Variants in LYRM4 observed in about 807,000 individuals in gnomAD.
LYRM4 encodes the protein LYR motif-containing protein 4.
LYRM4 carries 9 observed loss-of-function variants against 11.7 expected under a neutral mutation model. That is an observed-to-expected ratio of 0.77 (90% CI 0.46 to 1.34). The LOEUF is 1.34. LYRM4 is among the 40% of genes most tolerant of loss of function. LYRM4 has a pLI of 0.00. For synonymous variants in LYRM4, 42 were observed against 40.4 expected, an observed-to-expected ratio of 1.04 and a Z score of -0.15; for missense variants, 133 against 112.5, an observed-to-expected ratio of 1.18 and a Z score of -0.82.
chr6:5,046,589 C>T, the LYRM4 span, among the ~76,000 whole-genome samples: 3 of 152,124 alleles, frequency 2.0e-5, no homozygotes, highest in Admixed American at 6.5e-5. Context: ...GGACAGCTGG[C>T]GGCTGCACAG....
intron 2 of LYRM4, among the ~76,000 whole-genome samples, chr6:5,160,447 G>A (rs990686602): frequency 9.9e-5 from 15 of 152,182 alleles, no homozygotes; most frequent in African/African-American, 3.6e-4. Flanking sequence ...GAATCATGGG[G>A]GCGGGTCTTT....
intron 2 of LYRM4, among the ~76,000 whole-genome samples, chr6:5,200,776 C>A (rs1313774625): frequency 2.6e-5 from 4 of 152,146 alleles, no homozygotes; most frequent in Non-Finnish European, 4.4e-5. Flanking sequence ...TGCCTGACTC[C>A]CACACTCAGA....
chr6:5,033,885 T>G, the LYRM4 span: 1 of 152,268 alleles, frequency 6.6e-6, no homozygotes, highest in African/African-American at 2.4e-5. Flanking sequence ...ATTCACAGAC[T>G]TGTACAGAGC....
At chr6:5,193,298 A>G (rs1760869958) in intron 2 of LYRM4, among the ~76,000 whole-genome samples, 1 of 151,366 alleles carries the variant, frequency 6.6e-6, no homozygotes. Context: ...ATTTAAAAAA[A>G]AACCAGAAAA....
chr6:5,245,112 AAATATATATATATATATATATATATAT>A lies in LYRM4; in HGVS notation c.86+15509_86+15535del, dbSNP rs1764111735. Among the ~76,000 whole-genome samples, 15 of 31,972 alleles carry A rather than the reference AAATATATATATATATATATATATATAT, an allele frequency of 4.7e-4. 1 individual carries two copies. The East Asian group carries it at 5.7e-3, about 12-fold the overall frequency. The allele number at this position is 31,972 out of a possible 152,430, so 21.0% of individuals were successfully genotyped here. A position where few individuals can be genotyped will look rare whatever the true frequency, so the allele number is the denominator to read the frequency against. ...CTTAAAAAAAAAAAAAAAAAAAAAA[AAATATATATATATATATATATATATAT>A]ATATATATATATATATATATATATA... On this transcript the variant is annotated intron_variant, in intron 1 of 2. Coordinates refer to ENST00000330636, the MANE Select transcript of LYRM4 (RefSeq NM_020408.6).
intron 2 of LYRM4, among the ~76,000 whole-genome samples, chr6:5,121,688 G>A (rs1175158006): frequency 6.6e-6 from 1 of 152,236 alleles, no homozygotes; most frequent in Non-Finnish European, 1.5e-5. Context: ...TCCCTGGGAT[G>A]GCGACAACAG....
the LYRM4 span, among the ~76,000 whole-genome samples, chr6:5,044,426 C>T: frequency 1.2e-4 from 19 of 152,156 alleles, no homozygotes; most frequent in Non-Finnish European, 1.8e-4. Flanking sequence ...CCACCATGCC[C>T]GGCTGACACA....
intron 2 of LYRM4, among the ~76,000 whole-genome samples, chr6:5,159,407 A>G (rs1258114721): frequency 6.6e-6 from 1 of 152,200 alleles, no homozygotes. Flanking sequence ...TTCCAGAGAA[A>G]CTGGTCAATG....
intron 2 of LYRM4, among the ~76,000 whole-genome samples, chr6:5,142,390 T>C (rs560025102): frequency 6.6e-6 from 1 of 152,310 alleles, no homozygotes; most frequent in East Asian, 1.9e-4. Flanking sequence ...AAGTAAAAGA[T>C]GATTCCTGCC....
the LYRM4 span, among the ~76,000 whole-genome samples, chr6:5,075,707 G>A: frequency 6.6e-6 from 1 of 152,240 alleles, no homozygotes; most frequent in African/African-American, 2.4e-5. Context: ...GAACAATGTT[G>A]AGTGCTACAT....
At chr6:5,063,222 C>T in the LYRM4 span, among the ~76,000 whole-genome samples, 650 of 152,138 alleles carry the variant, frequency 4.3e-3, no homozygotes, top group African/African-American at 0.015. Context: ...CTGGCACAGA[C>T]GGGACGGCCA....
At chr6:5,224,524 A>G (rs181545505) in intron 1 of LYRM4, among the ~76,000 whole-genome samples, 1 of 152,366 alleles carries the variant, frequency 6.6e-6, no homozygotes, top group African/African-American at 2.4e-5. Context: ...TTAGGGATCT[A>G]TCCTACAGAA....
the LYRM4 span, among the ~76,000 whole-genome samples, chr6:5,060,504 ATT>A: frequency 7.6e-4 from 110 of 144,134 alleles, no homozygotes; most frequent in Non-Finnish European, 7.0e-4. Context: ...CGATTTTTGT[ATT>A]TTTTTTTTTT....
In LYRM4 at chr6:5,256,490, G is replaced by GAAAAAAAAAAAAAAAAAAAAAAAAA. The variant is rs777995486; in HGVS notation, c.86+4157_86+4158insTTTTTTTTTTTTTTTTTTTTTTTTT. 1.9e-4 allele frequency among the ~76,000 whole-genome samples: 7 copies of GAAAAAAAAAAAAAAAAAAAAAAAAA among 37,520 alleles called. 3 individuals are homozygous for GAAAAAAAAAAAAAAAAAAAAAAAAA. Among genetic ancestry groups the GAAAAAAAAAAAAAAAAAAAAAAAAA allele is most frequent in the Admixed American group, 7.2e-4 (2 of 2,788 alleles). 24.6% of individuals were successfully genotyped at this position (37,520 alleles called of 152,430 possible). A position where few individuals can be genotyped will look rare whatever the true frequency, so the allele number is the denominator to read the frequency against. Reference sequence around the variant, plus strand: ...GGGCAACAAGGGCAAGATTTCAACTGGAAAAAAAAAAAAAAAAAAAAAAAA... The same window carrying GAAAAAAAAAAAAAAAAAAAAAAAAA: ...GGGCAACAAGGGCAAGATTTCAACTGAAAAAAAAAAAAAAAAAAAAAAAAAGAAAAAAAAAAAAAAAAAAAAAAAA... On this transcript the variant is annotated intron_variant, in intron 1 of 2. Transcript: ENST00000330636.
intron 2 of LYRM4, among the ~76,000 whole-genome samples, chr6:5,143,503 T>C (rs948473840): frequency 4.6e-5 from 7 of 152,234 alleles, no homozygotes; most frequent in Admixed American, 2.0e-4. Flanking sequence ...AAACCGAGTA[T>C]TGTGTCCTTG....
chr6:5,119,794 CAAAAAAAAAAAAA>C (rs968606439), intron 2 of LYRM4, among the ~76,000 whole-genome samples: 18 of 16,888 alleles, frequency 1.1e-3, no homozygotes, highest in Non-Finnish European at 2.7e-3. Context: ...GTCTCCATAA[CAAAAAAAAAAAAA>C]AAAAAAAAAA....
At chr6:5,179,215 G>C (rs1037024673) in intron 2 of LYRM4, among the ~76,000 whole-genome samples, 1 of 151,916 alleles carries the variant, frequency 6.6e-6, no homozygotes. Flanking sequence ...TTTCCAGAAG[G>C]ACCTATTCAT....
chr6:5,248,175 T>C (rs1764276738), intron 1 of LYRM4, among the ~76,000 whole-genome samples: 1 of 152,372 alleles, frequency 6.6e-6, no homozygotes, highest in Admixed American at 6.5e-5. Flanking sequence ...CTCATAACCT[T>C]AGTTTGATTT....
In LYRM4 at chr6:5,154,212, T is replaced by C. The variant is rs1758253363; in HGVS notation, c.208-44721A>G. Reference sequence around the variant, plus strand: ...TATCAGAAACATTGATTTCATTCCATATATTCAATCTTACAAGTTCATAAA... The same window carrying C: ...TATCAGAAACATTGATTTCATTCCACATATTCAATCTTACAAGTTCATAAA... On this transcript the variant is annotated intron_variant, in intron 2 of 2. Transcript: ENST00000330636. Among the ~76,000 whole-genome samples, 13 of 152,346 alleles carry C rather than the reference T, an allele frequency of 8.5e-5. 1 individual carries two copies. In the South Asian group the frequency reaches 2.7e-3, roughly 32 times the overall value.
Sources: allele counts gnomAD v4.1 joint callset (sites outside exome capture counted in the v4.1 genomes callset), GRCh38; gene constraint gnomAD v4.1.1; transcripts MANE v1.5; gene names NCBI Gene and HGNC (gene_info 2026-07-23, HGNC 2026-07-21).